KLF13: variants seen among roughly 807,000 people sequenced by gnomAD.
KLF13 encodes Krueppel-like factor 13.
KLF13 carries 8 observed loss-of-function variants against 16.7 expected under a neutral mutation model. That is an observed-to-expected ratio of 0.48 (90% CI 0.28 to 0.87). The LOEUF is 0.87. Ranked by LOEUF, KLF13 falls within the 40% of genes least tolerant of loss-of-function variation. The pLI is 0.10. For missense variants in KLF13, 447 were observed against 452.2 expected (o/e 0.99, Z 0.10); for synonymous variants, 245 against 208.4 (o/e 1.18, Z -1.51).
intron 1 of KLF13, among the ~76,000 whole-genome samples, chr15:31,427,021 C>T (rs2040408270): frequency 6.6e-6 from 1 of 152,186 alleles, no homozygotes; most frequent in South Asian, 2.1e-4. Context: ...GGCCTTCAGC[C>T]TCGAACTGAG....
chr15:31,428,792 G>A (rs1409171095), intron 1 of KLF13, among the ~76,000 whole-genome samples: 1 of 67,394 alleles, frequency 1.5e-5, no homozygotes, highest in African/African-American at 6.0e-5. Flanking sequence ...GAAAGAGTGA[G>A]ACTCTATCTC....
In KLF13 at chr15:31,371,112, C is replaced by T. The variant is rs75479450; in HGVS notation, c.578-898C>T. On this transcript the variant is annotated intron_variant, in intron 1 of 1. Transcript: ENST00000307145. ...ACAAGAAGGGCTCGTTTCTGGGGTGCCAGAGCCCCCCACCCTGGTTCTTCC... is the reference window on the plus strand; with the variant it reads ...ACAAGAAGGGCTCGTTTCTGGGGTGTCAGAGCCCCCCACCCTGGTTCTTCC... Among the ~76,000 whole-genome samples, 1,331 of 152,248 alleles carry T rather than the reference C, an allele frequency of 8.7e-3. 24 individuals carry two copies. Among genetic ancestry groups the T allele is most frequent in the African/African-American group, 0.03 (1,259 of 41,528 alleles).
chr15:31,423,003 C>T (rs1239832860), intron 1 of KLF13, among the ~76,000 whole-genome samples: 3 of 150,182 alleles, frequency 2.0e-5, no homozygotes, highest in African/African-American at 7.4e-5. Context: ...CGCCACTGCA[C>T]TCCAGCCTGG....
intron 1 of KLF13, among the ~76,000 whole-genome samples, chr15:31,334,810 A>G (rs1303115242): frequency 1.3e-5 from 2 of 152,256 alleles, no homozygotes; most frequent in South Asian, 2.1e-4. Context: ...ACTTTTCTCC[A>G]GCTTGGCAAT....
At chr15:31,329,593 C>T (rs565210554) in intron 1 of KLF13, among the ~76,000 whole-genome samples, 4 of 152,250 alleles carry the variant, frequency 2.6e-5, no homozygotes, top group African/African-American at 7.2e-5. Context: ...GCTCTGGCCC[C>T]GCGCGAGCCT....
chr15:31,396,500 A>G (rs916040547), intron 2 of KLF13, among the ~76,000 whole-genome samples: 2 of 152,062 alleles, frequency 1.3e-5, no homozygotes, highest in Non-Finnish European at 2.9e-5. Context: ...GCAGCCAGTG[A>G]GTTGGGAGTG....
rs187230280 is a variant in KLF13 at position 31,384,368 on chromosome 15, G to T, written n.224-51002G>T. On this transcript the variant is annotated intron_variant and non_coding_transcript_variant, in intron 1 of 1. Transcript: ENST00000558921. ...AATGGCTTAAACCCTGGAGGTGGAGGTTGCAGTGAGCCGAGATCACACCAC... is the reference window on the plus strand; with the variant it reads ...AATGGCTTAAACCCTGGAGGTGGAGTTTGCAGTGAGCCGAGATCACACCAC... Among the ~76,000 whole-genome samples, 688 of 151,586 alleles carry T rather than the reference G, an allele frequency of 4.5e-3. 3 individuals carry two copies. Among genetic ancestry groups the T allele is most frequent in the Middle Eastern group, 0.011 (3 of 284 alleles).
At chr15:31,368,484 T>C (rs914794217) in intron 1 of KLF13, among the ~76,000 whole-genome samples, 1 of 152,232 alleles carries the variant, frequency 6.6e-6, no homozygotes, top group African/African-American at 2.4e-5. Flanking sequence ...TTGGGAAATA[T>C]TGGACTAGAT....
chr15:31,356,052 G>A (rs1261099530), intron 1 of KLF13, among the ~76,000 whole-genome samples: 1 of 152,016 alleles, frequency 6.6e-6, no homozygotes, highest in Non-Finnish European at 1.5e-5. Context: ...TTTATTTTAG[G>A]GTTGGGGGTA....
chr15:31,435,443 G>A (rs1038995281), exon 2 of KLF13: 5 of 152,112 alleles, frequency 3.3e-5, no homozygotes, highest in Non-Finnish European at 5.9e-5. Context: ...ACAGACCCAC[G>A]GTTTTCCGCC....
intron 1 of KLF13, among the ~76,000 whole-genome samples, 200 bp from the exon 2 acceptor site, chr15:31,371,810 C>G (rs1487468050): frequency 6.6e-6 from 1 of 152,244 alleles, no homozygotes; most frequent in East Asian, 1.9e-4. Context: ...TGTCCTCTGC[C>G]TCCATCCCAG....
intron 1 of KLF13, among the ~76,000 whole-genome samples, chr15:31,333,126 A>G (rs2038861852): frequency 1.3e-5 from 2 of 151,316 alleles, no homozygotes; most frequent in African/African-American, 4.9e-5. Flanking sequence ...GGGGCCAGGC[A>G]TCATTCTGTT....
chr15:31,383,850 C>T (rs199651137), intron 1 of KLF13, among the ~76,000 whole-genome samples: 1 of 151,958 alleles, frequency 6.6e-6, no homozygotes, highest in Non-Finnish European at 1.5e-5. Context: ...TGCAGTGAGC[C>T]AAGATCACGC....
chr15:31,367,664 C>A (rs539265686), intron 1 of KLF13, among the ~76,000 whole-genome samples: 2 of 152,208 alleles, frequency 1.3e-5, no homozygotes, highest in Admixed American at 6.5e-5. Context: ...GGCTTCCCCC[C>A]ACACCAACAG....
intron 1 of KLF13, among the ~76,000 whole-genome samples, chr15:31,351,561 G>A (rs2039217723): frequency 1.3e-5 from 2 of 152,160 alleles, no homozygotes; most frequent in East Asian, 1.9e-4. Context: ...TATTTTCAGG[G>A]GGAGTTCCCA....
In KLF13 at chr15:31,375,314, A is replaced by C. The variant is rs1162065487; in HGVS notation, c.*3015A>C. The C allele has an allele frequency of 6.6e-6, 1 of 152,196 alleles. No homozygotes were observed. The highest frequency in any genetic ancestry group is 1.9e-4 in the East Asian group (1 of 5,196). 9.4% of individuals were successfully genotyped at this position (152,196 alleles called of 1,614,324 possible). A position where few individuals can be genotyped will look rare whatever the true frequency, so the allele number is the denominator to read the frequency against. Reference sequence around the variant, plus strand: ...GAACGCTGCCTCCACTGAGGCGGGCACACAAGGCGGACCCTCCTGAAACAG... The same window carrying C: ...GAACGCTGCCTCCACTGAGGCGGGCCCACAAGGCGGACCCTCCTGAAACAG... On this transcript the variant is annotated 3_prime_UTR_variant, in exon 2 of 2. Coordinates refer to ENST00000307145, the MANE Select transcript of KLF13 (RefSeq NM_015995.4).
At chr15:31,383,897 G>A (rs149208094) in intron 1 of KLF13, among the ~76,000 whole-genome samples, 55 of 150,114 alleles carry the variant, frequency 3.7e-4, no homozygotes, top group Admixed American at 8.6e-4. Flanking sequence ...GCGAGACTCC[G>A]TCTCAAAAAA....
chr15:31,334,087 G>A (rs962831524), intron 1 of KLF13, among the ~76,000 whole-genome samples: 3 of 152,218 alleles, frequency 2.0e-5, no homozygotes, highest in African/African-American at 7.2e-5. Flanking sequence ...CTGGAGAGAT[G>A]TTGGGGGTTG....
upstream of KLF13, among the ~76,000 whole-genome samples, chr15:31,388,605 C>CA (rs5811640): frequency 0.02 from 1,800 of 92,136 alleles, 34 homozygotes; most frequent in Admixed American, 0.039. Flanking sequence ...AACTCTGTCT[C>CA]AAAAAAAAAA....
Sources: allele counts gnomAD v4.1 joint callset (sites outside exome capture counted in the v4.1 genomes callset), GRCh38; gene constraint gnomAD v4.1.1; transcripts MANE v1.5; gene names NCBI Gene and HGNC (gene_info 2026-07-23, HGNC 2026-07-21).